ZNF385D: variants seen among roughly 807,000 people sequenced by gnomAD.
ZNF385D encodes the protein zinc finger protein 659.
A neutral mutation model predicts 35.8 loss-of-function variants in ZNF385D; 15 were observed. That is an observed-to-expected ratio of 0.42 (90% CI 0.28 to 0.64). The LOEUF is 0.64. Among genes scored for constraint, ZNF385D ranks in the 30% least tolerant of loss-of-function variants. The pLI is 0.23. For missense variants in ZNF385D, 474 were observed against 494.6 expected, an observed-to-expected ratio of 0.96 and a Z score of 0.39; for synonymous variants, 212 against 186.8, an observed-to-expected ratio of 1.13 and a Z score of -1.10.
intron 2 of ZNF385D, among the ~76,000 whole-genome samples, chr3:22,211,003 T>C (rs898456739): frequency 1.3e-5 from 2 of 151,938 alleles, no homozygotes; most frequent in African/African-American, 4.8e-5. Context: ...GTTTGGCATA[T>C]TGATCCTTTG....
intron 3 of ZNF385D, among the ~76,000 whole-genome samples, chr3:21,795,422 C>T (rs888705804): frequency 3.2e-4 from 48 of 152,200 alleles, no homozygotes; most frequent in Admixed American, 3.1e-3. Flanking sequence ...TAGCCATTAG[C>T]GTCTGCTCCA....
At chr3:21,661,705 G>C (rs527803871) in intron 2 of ZNF385D, among the ~76,000 whole-genome samples, 1 of 152,240 alleles carries the variant, frequency 6.6e-6, no homozygotes, top group East Asian at 1.9e-4. Flanking sequence ...CATTTCTAGG[G>C]AATAGCTTCT....
At chr3:22,291,807 T>G (rs917480609) in intron 2 of ZNF385D, among the ~76,000 whole-genome samples, 1 of 152,080 alleles carries the variant, frequency 6.6e-6, no homozygotes, top group Non-Finnish European at 1.5e-5. Context: ...TCCTACTTAT[T>G]TATGCATTAC....
intron 3 of ZNF385D, among the ~76,000 whole-genome samples, chr3:22,107,026 G>GTTTATTTTTTTTTTTTTTTTTTTTTT (rs1702252967): frequency 8.4e-6 from 1 of 118,830 alleles, no homozygotes; most frequent in Admixed American, 8.6e-5. Flanking sequence ...TGGAATGAGA[G>GTTTATTTTTTTTTTTTTTTTTTTTTT]TTTTTTTTTT....
intron 3 of ZNF385D, among the ~76,000 whole-genome samples, chr3:22,150,906 T>C (rs1490432167): frequency 6.6e-6 from 1 of 152,166 alleles, no homozygotes; most frequent in East Asian, 1.9e-4. Flanking sequence ...AAAATTTATG[T>C]CATAACGGAC....
At chr3:21,501,444 G>A (rs1271601681) in intron 4 of ZNF385D, among the ~76,000 whole-genome samples, 1 of 152,176 alleles carries the variant, frequency 6.6e-6, no homozygotes, top group South Asian at 2.1e-4. Context: ...TCAAATATTT[G>A]TCTGAGTTTG....
intron 2 of ZNF385D, among the ~76,000 whole-genome samples, chr3:22,233,988 A>C (rs1404359112): frequency 1.3e-5 from 2 of 152,116 alleles, no homozygotes; most frequent in African/African-American, 4.8e-5. Context: ...TTCTACCTCA[A>C]AGTTCAAATA....
chr3:21,919,703 A>G (rs1671355272), intron 3 of ZNF385D, among the ~76,000 whole-genome samples: 1 of 152,214 alleles, frequency 6.6e-6, no homozygotes, highest in African/African-American at 2.4e-5. Context: ...TTGTCTTTTC[A>G]CAGTTGCTCA....
intron 3 of ZNF385D, among the ~76,000 whole-genome samples, chr3:21,807,716 A>G (rs1337419014): frequency 6.6e-6 from 1 of 152,182 alleles, no homozygotes; most frequent in Admixed American, 6.5e-5. Context: ...ACTTAACAAA[A>G]TAGGAGCATC....
At chr3:22,068,931 G>A (rs1238693420) in intron 3 of ZNF385D, among the ~76,000 whole-genome samples, 1 of 152,150 alleles carries the variant, frequency 6.6e-6, no homozygotes, top group South Asian at 2.1e-4. Flanking sequence ...CTCAGGATTG[G>A]TACAGACACT....
At chr3:22,157,456 T>G (rs1420869075) in intron 3 of ZNF385D, among the ~76,000 whole-genome samples, 3 of 151,916 alleles carry the variant, frequency 2.0e-5, no homozygotes, top group Non-Finnish European at 2.9e-5. Flanking sequence ...CTTTTTGTTG[T>G]TTTTTTTAAT....
intron 1 of ZNF385D, among the ~76,000 whole-genome samples, chr3:21,726,547 C>T (rs994693632): frequency 6.6e-6 from 1 of 152,042 alleles, no homozygotes; most frequent in Non-Finnish European, 1.5e-5. Context: ...AACAGAGAGC[C>T]AAATCATGAT....
intron 3 of ZNF385D, among the ~76,000 whole-genome samples, chr3:22,032,479 C>G (rs2125483976): frequency 6.6e-6 from 1 of 152,232 alleles, no homozygotes; most frequent in African/African-American, 2.4e-5. Flanking sequence ...ATCTAATCAC[C>G]ACCCACCAGG....
At chr3:21,610,783 A>G (rs1172530424) in intron 2 of ZNF385D, among the ~76,000 whole-genome samples, 1 of 151,940 alleles carries the variant, frequency 6.6e-6, no homozygotes, top group African/African-American at 2.4e-5. Flanking sequence ...CCCCCCAAAA[A>G]AAAAAAACAA....
At chr3:22,269,309 C>T (rs752798116) in intron 2 of ZNF385D, among the ~76,000 whole-genome samples, 5 of 151,786 alleles carry the variant, frequency 3.3e-5, no homozygotes, top group Non-Finnish European at 7.4e-5. Flanking sequence ...GCTATAAGAC[C>T]ACGGAAATAA....
chr3:21,894,922 G>C (rs1434346488), intron 3 of ZNF385D, among the ~76,000 whole-genome samples: 2 of 149,482 alleles, frequency 1.3e-5, no homozygotes, highest in Non-Finnish European at 3.0e-5. Flanking sequence ...GGCAAAGAGA[G>C]GACACAGATG....
chr3:22,088,532 A>G (rs1458038851), intron 3 of ZNF385D, among the ~76,000 whole-genome samples: 1 of 152,196 alleles, frequency 6.6e-6, no homozygotes, highest in African/African-American at 2.4e-5. Context: ...AAATTGTTGC[A>G]TGAGACTTAA....
At chr3:21,632,121 G>A (rs990404477) in intron 2 of ZNF385D, among the ~76,000 whole-genome samples, 2 of 152,074 alleles carry the variant, frequency 1.3e-5, no homozygotes, top group Non-Finnish European at 2.9e-5. Context: ...CTGTCACAGA[G>A]ATAATATTCT....
chr3:22,066,212 A>G (rs17010680), intron 3 of ZNF385D, among the ~76,000 whole-genome samples: 14,072 of 152,090 alleles, frequency 0.093, 783 homozygotes, highest in African/African-American at 0.16. Context: ...TTATGCTCAG[A>G]AAAGAAAAGA....
Sources: gnomAD v4.1 joint callset for allele counts (sites outside exome capture counted in the v4.1 genomes callset) on GRCh38, gnomAD v4.1.1 for gene constraint, MANE v1.5 for transcripts, NCBI Gene and HGNC (gene_info 2026-07-23, HGNC 2026-07-21) for gene names.